Variants in NHS observed in about 807,000 individuals in gnomAD.
The protein encoded by NHS is actin remodeling regulator NHS.
Under a neutral mutation model 72.5 loss-of-function variants are expected in NHS, and 5 were observed. The ratio of observed to expected loss-of-function variants is 0.07; its 90% CI spans 0.04 to 0.14. The LOEUF is 0.14. Ranked by LOEUF, NHS falls within the 10% of genes least tolerant of loss-of-function variation. The probability of loss-of-function intolerance (pLI) is 1.00; values close to 1 mark genes in which losing one functional copy is unlikely to be tolerated. For synonymous variants in NHS, 464 were observed against 547.7 expected (o/e 0.85, Z 2.13); for missense variants, 1,072 against 1,355.7 (o/e 0.79, Z 3.29).
chrX:17,474,043 C>A (rs902400459), intron 1 of NHS, among the ~76,000 whole-genome samples: 1 of 111,299 alleles, frequency 9.0e-6, no homozygotes, highest in South Asian at 3.8e-4. Flanking sequence ...GACTACTACC[C>A]AATAGTTATT....
chrX:17,462,503 A>G (rs892173234), intron 1 of NHS, among the ~76,000 whole-genome samples: 1 of 112,019 alleles, frequency 8.9e-6, no homozygotes, highest in Non-Finnish European at 1.9e-5. Context: ...ATTAGTACGT[A>G]GTAACATTAA....
chrX:17,606,486 G>A (rs1424716282), intron 1 of NHS, among the ~76,000 whole-genome samples: 1 of 111,943 alleles, frequency 8.9e-6, no homozygotes, highest in Non-Finnish European at 1.9e-5. Context: ...TCAAACATAA[G>A]TTTGCAGGGA....
In NHS at chrX:17,719,364, C is replaced by G. The variant is rs2066391859; in HGVS notation, c.873C>G (p.Pro291=). ...CATAGTTTAACAGCACCCGTTCGCC[C>G]TCCCCCACTGAATGTTGCCACATGA... ...HFLTFNSTRS[P]SPTECCHMTP... Residue 291 remains proline (P), a synonymous_variant, in exon 4 of 9, where the codon CCC becomes CCG. Transcript: ENST00000676302. 3 of 1,167,069 alleles carry G rather than the reference C, an allele frequency of 2.6e-6. No individual in the cohort carries two copies. In the East Asian group the frequency reaches 9.8e-5, roughly 38 times the overall value.
chrX:17,452,957 G>A (rs1366166873), intron 1 of NHS, among the ~76,000 whole-genome samples: 1 of 112,013 alleles, frequency 8.9e-6, no homozygotes, highest in Non-Finnish European at 1.9e-5. Context: ...GATGACAAGT[G>A]AGCAAGTTGG....
rs751457532 is a variant in NHS at position 17,447,787 on chromosome X, A to G, written c.565+71465A>G. Among the ~76,000 whole-genome samples, 208 of 49,845 alleles carry G rather than the reference A, an allele frequency of 4.2e-3. 1 individual carries two copies. The Middle Eastern group carries it at 0.047, about 11-fold the overall frequency. The allele number at this position is 49,845 out of a possible 115,157, so 43.3% of individuals were successfully genotyped here. ...CACACACACACGCACACACACACGC[A>G]CACACACACACACACACACACACAC... On this transcript the variant is annotated intron_variant, in intron 1 of 8. Coordinates refer to ENST00000676302, the MANE Select transcript of NHS (RefSeq NM_001291867.2).
At position 17,726,370 on chromosome X, in the gene NHS, G is replaced by A. The variant is rs751466385; in HGVS notation, c.2264G>A (p.Ser755Asn). The A allele has an allele frequency of 1.2e-5, 15 of 1,212,176 alleles. No homozygotes were observed. The highest frequency in any genetic ancestry group is 1.7e-5 in the Non-Finnish European group (15 of 895,609). ...AGCCTGGGCTGCCCAAGCTTCACAA[G>A]CATGGCCACTTATGACAGCTTTCTG... ...ADSLGCPSFT[S>N]MATYDSFLEK... Residue 755 changes from serine (S) to asparagine (N), a missense_variant, in exon 7 of 9, where the codon AGC becomes AAC. Transcript: ENST00000676302.
chrX:17,657,927 T>A (rs985898819), intron 1 of NHS, among the ~76,000 whole-genome samples: 2 of 112,911 alleles, frequency 1.8e-5, no homozygotes, highest in African/African-American at 6.4e-5. Context: ...GGGCTACTAC[T>A]CTTTCCTTTC....
At chrX:17,595,377 G>T (rs1475712434) in intron 1 of NHS, among the ~76,000 whole-genome samples, 1 of 112,024 alleles carries the variant, frequency 8.9e-6, no homozygotes, top group Non-Finnish European at 1.9e-5. Context: ...CTAGGGTTTT[G>T]ACTTTAATGG....
intron 1 of NHS, among the ~76,000 whole-genome samples, chrX:17,425,678 G>A (rs1439941585): frequency 2.8e-5 from 3 of 108,339 alleles, no homozygotes; most frequent in Non-Finnish European, 3.8e-5. Context: ...TCCAAGCACT[G>A]CCTTTGACGT....
intron 1 of NHS, among the ~76,000 whole-genome samples, chrX:17,555,048 T>C (rs1201108489): frequency 9.1e-6 from 1 of 109,569 alleles, no homozygotes; most frequent in Non-Finnish European, 1.9e-5. Context: ...CCCCTCCCTG[T>C]GTCCATGTGT....
chrX:17,659,609 A>C (rs912940375), intron 1 of NHS, among the ~76,000 whole-genome samples: 2 of 111,997 alleles, frequency 1.8e-5, no homozygotes, highest in Admixed American at 1.9e-4. Context: ...GTTATATAGG[A>C]TATTGTTTCT....
chrX:17,719,618 G>GC (rs1306015731), intron 4 of NHS, among the ~76,000 whole-genome samples: 2 of 108,032 alleles, frequency 1.9e-5, no homozygotes, highest in East Asian at 2.9e-4. Context: ...CCCATTCACT[G>GC]CCCCCCACTC....
rs5909070 is a variant in NHS, at chrX:17,623,453, T to C, written c.566-64289T>C. On this transcript the variant is annotated intron_variant, in intron 1 of 8. Transcript: ENST00000676302. ...ATGAAGCCCAGGCTCTTTCTCCTCC[T>C]TTCATTTGCATGTGCGTGTGGGAAG... Among the ~76,000 whole-genome samples the C allele has an allele frequency of 5.4e-3, 597 of 111,379 alleles. 1 individual carries two copies. The highest frequency in any genetic ancestry group is 9.2e-3 in the Middle Eastern group (2 of 217).
chrX:17,571,931 G>C (rs1028132247), intron 1 of NHS, among the ~76,000 whole-genome samples: 1 of 112,269 alleles, frequency 8.9e-6, no homozygotes, highest in African/African-American at 3.2e-5. Context: ...GTACCCAGTA[G>C]TCATTCAGGA....
intron 1 of NHS, among the ~76,000 whole-genome samples, chrX:17,590,236 G>A (rs1189040422): frequency 3.6e-5 from 4 of 111,505 alleles, no homozygotes; most frequent in African/African-American, 6.5e-5. Context: ...GAAAATGTTC[G>A]AACCCTTTGA....
At chrX:17,538,434 G>A (rs910743139) in intron 1 of NHS, among the ~76,000 whole-genome samples, 9 of 111,788 alleles carry the variant, frequency 8.1e-5, no homozygotes, top group South Asian at 3.8e-4. Context: ...GGCTCCCAGC[G>A]TGGGCAATTG....
rs1418774013 is a variant in NHS, at chrX:17,694,078, TA to T, written c.852+1612del. On this transcript the variant is annotated intron_variant, in intron 3 of 8. Transcript: ENST00000676302. Reference sequence around the variant, plus strand: ...TTCTCATGATCTGCATAATTTTTAATAATGTCTAAATACTAAAGTAAGACTA... The same window carrying T: ...TTCTCATGATCTGCATAATTTTTAATATGTCTAAATACTAAAGTAAGACTA... Among the ~76,000 whole-genome samples the T allele has an allele frequency of 9.8e-4, 110 of 112,183 alleles. 3 individuals are homozygous for T. The Admixed American group carries it at 0.01, about 11-fold the overall frequency.
At chrX:17,687,360 A>G (rs2066168695) in intron 1 of NHS, 2 of 226,066 alleles carry the variant, frequency 8.8e-6, no homozygotes, top group Non-Finnish European at 8.2e-6. Context: ...CTTTCCATTC[A>G]TCTCTGAGGC....
intron 1 of NHS, among the ~76,000 whole-genome samples, chrX:17,559,113 T>C (rs1180774829): frequency 8.9e-6 from 1 of 112,080 alleles, no homozygotes; most frequent in African/African-American, 3.2e-5. Flanking sequence ...TCTACCTGTT[T>C]TCTATGTGGC....
Sources: allele counts gnomAD v4.1 joint callset (sites outside exome capture counted in the v4.1 genomes callset), GRCh38; gene constraint gnomAD v4.1.1; transcripts MANE v1.5; gene names NCBI Gene and HGNC (gene_info 2026-07-23, HGNC 2026-07-21).